Variants in PTPRG observed in about 807,000 individuals in gnomAD.
PTPRG encodes protein tyrosine phosphatase receptor type G.
PTPRG carries 102 observed loss-of-function variants against 165.3 expected under a neutral mutation model. The ratio of observed to expected loss-of-function variants is 0.62; its 90% CI spans 0.53 to 0.73. PTPRG has a LOEUF of 0.73. PTPRG is among the 30% of genes least tolerant of loss of function. The probability of loss-of-function intolerance (pLI) is 0.00; values close to 1 mark genes in which losing one functional copy is unlikely to be tolerated. For missense variants in PTPRG, 1,866 were observed against 1,861.4 expected (o/e 1.00, Z -0.05); for synonymous variants, 675 against 669.5 (o/e 1.01, Z -0.13).
intron 1 of PTPRG, among the ~76,000 whole-genome samples, chr3:61,592,043 G>A (rs916236350): frequency 1.3e-5 from 2 of 151,110 alleles, no homozygotes; most frequent in East Asian, 1.9e-4. Flanking sequence ...CATGATCTCC[G>A]TATCACCGCA....
At chr3:61,833,424 G>A (rs1052139083) in intron 2 of PTPRG, among the ~76,000 whole-genome samples, 1 of 152,076 alleles carries the variant, frequency 6.6e-6, no homozygotes, top group African/African-American at 2.4e-5. Context: ...TTGCGCTTGG[G>A]GTGGTGTTTG....
chr3:62,068,504 C>G lies in PTPRG; in HGVS notation c.520-9659C>G, dbSNP rs146455484. On this transcript the variant is annotated intron_variant, in intron 4 of 29. Transcript: ENST00000474889. ...TGTTTGTTTTTAATTGAAGCAGAGT[C>G]TCACTGTGTCACCCAGGTTGGAGTG... Among the ~76,000 whole-genome samples, 812 of 152,254 alleles carry G rather than the reference C, an allele frequency of 5.3e-3. 10 individuals are homozygous for G. Among genetic ancestry groups the G allele is most frequent in the African/African-American group, 0.018 (746 of 41,540 alleles).
At chr3:61,725,347 A>G (rs1417777774) in intron 1 of PTPRG, among the ~76,000 whole-genome samples, 1 of 152,010 alleles carries the variant, frequency 6.6e-6, no homozygotes, top group African/African-American at 2.4e-5. Flanking sequence ...GGAGCTCCTG[A>G]CCTCAAGCGA....
At chr3:61,594,984 C>T (rs916102628) in intron 1 of PTPRG, among the ~76,000 whole-genome samples, 2 of 151,892 alleles carry the variant, frequency 1.3e-5, no homozygotes, top group East Asian at 1.9e-4. Flanking sequence ...TTGTCTGTTG[C>T]GGGAAAATGA....
intron 1 of PTPRG, among the ~76,000 whole-genome samples, chr3:61,734,854 G>C (rs1020610640): frequency 6.6e-6 from 1 of 152,162 alleles, no homozygotes; most frequent in Non-Finnish European, 1.5e-5. Flanking sequence ...TATATAAATA[G>C]ATATTGAGAG....
intron 14 of PTPRG, among the ~76,000 whole-genome samples, chr3:62,231,829 T>C (rs1053179736): frequency 6.6e-6 from 1 of 151,760 alleles, no homozygotes; most frequent in African/African-American, 2.4e-5. Flanking sequence ...GTTGTTTTTT[T>C]TTTTTAAAAA....
Position 62,271,309 on chromosome 3 carries a change from G to C in PTPRG, c.3010-74G>C, listed in dbSNP as rs1168665265. 2 of 1,316,784 alleles carry C rather than the reference G, an allele frequency of 1.5e-6. No individual in the cohort carries two copies. Among genetic ancestry groups the C allele is most frequent in the South Asian group, 2.8e-5 (2 of 71,416 alleles). The allele number at this position is 1,316,784 out of a possible 1,614,324, so 81.6% of individuals were successfully genotyped here. ...AATGTGATCAGTGGTCATGTGTCCT[G>C]ACACCCTTACATTATTTTTTTCCAG... On this transcript the variant is annotated intron_variant, in intron 20 of 29. Transcript: ENST00000474889. The surrounding 1 kb of genome is among the most constrained non-coding windows in gnomAD (Gnocchi z 4.1).
chr3:61,577,164 A>C (rs1382892311), intron 1 of PTPRG, among the ~76,000 whole-genome samples: 2 of 152,144 alleles, frequency 1.3e-5, no homozygotes, highest in Non-Finnish European at 2.9e-5. Flanking sequence ...TGGTCCTCTG[A>C]TCAGTGTTAT....
At chr3:61,597,639 G>T (rs926805317) in intron 1 of PTPRG, among the ~76,000 whole-genome samples, 49 of 151,954 alleles carry the variant, frequency 3.2e-4, no homozygotes, top group African/African-American at 1.2e-3. Flanking sequence ...TTAATAAATT[G>T]GTTTGGATTT....
chr3:61,694,364 C>CA (rs1353413801), intron 1 of PTPRG, among the ~76,000 whole-genome samples: 1 of 152,126 alleles, frequency 6.6e-6, no homozygotes, highest in Non-Finnish European at 1.5e-5. Flanking sequence ...AACACTATCT[C>CA]ATGTTGATTG....
chr3:61,987,523 C>A (rs1360980358), intron 2 of PTPRG, among the ~76,000 whole-genome samples: 1 of 152,076 alleles, frequency 6.6e-6, no homozygotes, highest in Non-Finnish European at 1.5e-5. Context: ...TGGCTTGCAT[C>A]TATTATTTGA....
At chr3:61,994,581 G>A (rs2040975500) in intron 3 of PTPRG, among the ~76,000 whole-genome samples, 1 of 152,206 alleles carries the variant, frequency 6.6e-6, no homozygotes. Context: ...TCATTTTCTA[G>A]TATGTTACTG....
chr3:62,113,740 A>G (rs1288643086), intron 5 of PTPRG, among the ~76,000 whole-genome samples: 1 of 152,218 alleles, frequency 6.6e-6, no homozygotes, highest in Non-Finnish European at 1.5e-5. Context: ...TTACCTGAAT[A>G]AAACGAAACT....
chr3:62,101,077 AG>A (rs1453979119), intron 5 of PTPRG, among the ~76,000 whole-genome samples: 1 of 152,224 alleles, frequency 6.6e-6, no homozygotes. Flanking sequence ...TAAATGATTG[AG>A]GGTTTGCTTC....
At position 61,940,665 on chromosome 3, in the gene PTPRG, A is replaced by AT. The variant is rs1305020632; in HGVS notation, c.191-48957dup. ...AGTAGATGCTTTTATTTATTTATTTATTTATTTTTTATTTTTTTGACAGAG... is the reference window on the plus strand; with the variant it reads ...AGTAGATGCTTTTATTTATTTATTTATTTTATTTTTTATTTTTTTGACAGAG... On this transcript the variant is annotated intron_variant, in intron 2 of 29. Transcript: ENST00000474889. Among the ~76,000 whole-genome samples, 9 of 90,126 alleles carry AT rather than the reference A, an allele frequency of 1.0e-4. No individual in the cohort carries two copies. In the South Asian group the frequency reaches 1.8e-3, roughly 18 times the overall value. The allele number at this position is 90,126 out of a possible 152,430, so 59.1% of individuals were successfully genotyped here. A position where few individuals can be genotyped will look rare whatever the true frequency, so the allele number is the denominator to read the frequency against.
chr3:61,973,724 C>T (rs1363721951), intron 2 of PTPRG, among the ~76,000 whole-genome samples: 4 of 151,766 alleles, frequency 2.6e-5, no homozygotes, highest in Admixed American at 6.6e-5. Flanking sequence ...CCCAGCTACT[C>T]GGGAGGTTGA....
rs767539324 is a variant in PTPRG at position 62,275,916 on chromosome 3, C to A, written c.3509C>A (p.Ala1170Asp). 2 of 1,611,902 alleles carry A rather than the reference C, an allele frequency of 1.2e-6. No individual in the cohort carries two copies. Among genetic ancestry groups the A allele is most frequent in the Non-Finnish European group, 1.7e-6 (2 of 1,178,674 alleles). The change falls in exon 24 of 30, where the codon GCT (alanine) becomes GAT (aspartate). Residue 1170 changes from alanine to aspartate, a missense_variant. This residue lies in a region of PTPRG where 1,452 missense variants were observed against 1,463.0 expected (regional missense o/e 0.99). Coordinates refer to ENST00000474889, the MANE Select transcript of PTPRG (RefSeq NM_002841.4). ...CNAKYVECFS[A>D]QKECNKEKNR... ...GCAAAATATGTGGAATGTTTCAGTG[C>A]TCAGAAAGAGTGTAACAAAGAAAAG...
At position 62,190,343 on chromosome 3, in the gene PTPRG, C is replaced by T. The variant is rs1267226861; in HGVS notation, c.1034-1126C>T. On this transcript the variant is annotated intron_variant, in intron 8 of 29. Coordinates refer to ENST00000474889, the MANE Select transcript of PTPRG (RefSeq NM_002841.4). The surrounding 1 kb of genome is among the most constrained non-coding windows in gnomAD (Gnocchi z 5.2). Reference sequence around the variant, plus strand: ...GGTCATGGGTGCTGAGGGTGAGAACCCCTGCCCTGGACCATCAGCTCCATG... The same window carrying T: ...GGTCATGGGTGCTGAGGGTGAGAACTCCTGCCCTGGACCATCAGCTCCATG... Among the ~76,000 whole-genome samples the T allele has an allele frequency of 1.3e-5, 2 of 152,182 alleles. No individual in the cohort carries two copies. The highest frequency in any genetic ancestry group is 2.4e-5 in the African/African-American group (1 of 41,430).
At chr3:61,971,219 A>AT (rs950989870) in intron 2 of PTPRG, among the ~76,000 whole-genome samples, 1 of 151,996 alleles carries the variant, frequency 6.6e-6, no homozygotes, top group African/African-American at 2.4e-5. Context: ...TGTCCGGCTA[A>AT]TTTTTTTGTA....
Sources: gnomAD v4.1 joint callset for allele counts (sites outside exome capture counted in the v4.1 genomes callset) on GRCh38, gnomAD v4.1.1 for gene constraint, gnomAD v4.1.1 regional missense constraint, Gnocchi (gnomAD v3.1) non-coding constraint, MANE v1.5 for transcripts, NCBI Gene and HGNC (gene_info 2026-07-23, HGNC 2026-07-21) for gene names.